The following FUT8 variants were observed in gnomAD, a reference collection of about 807,000 sequenced individuals.
FUT8 encodes the protein fucosyltransferase 8.
FUT8 carries 29 observed loss-of-function variants against 71.3 expected under a neutral mutation model. That is an observed-to-expected ratio of 0.41 (90% CI 0.30 to 0.55). The LOEUF is 0.55. Ranked by LOEUF, FUT8 falls within the 20% of genes least tolerant of loss-of-function variation. The pLI is 0.34. For synonymous variants in FUT8, 254 were observed against 239.3 expected (o/e 1.06, Z -0.57); for missense variants, 544 against 702.1 (o/e 0.77, Z 2.55).
intron 7 of FUT8, among the ~76,000 whole-genome samples, chr14:65,705,977 A>G (rs1894534005): frequency 6.6e-6 from 1 of 152,214 alleles, no homozygotes; most frequent in Non-Finnish European, 1.5e-5. Flanking sequence ...TCCTAGATCA[A>G]ACTATAGCTG....
chr14:65,447,054 A>C (rs1287286001), intron 1 of FUT8, among the ~76,000 whole-genome samples: 1 of 151,440 alleles, frequency 6.6e-6, no homozygotes, highest in African/African-American at 2.4e-5. Context: ...AATTTTCTCT[A>C]TGCTATCCTA....
chr14:65,654,404 C>T (rs12435809), intron 6 of FUT8, among the ~76,000 whole-genome samples: 3,550 of 152,230 alleles, frequency 0.023, 113 homozygotes, highest in East Asian at 0.094. Flanking sequence ...GCCTGACCAA[C>T]ATGGAGAAAC....
chr14:65,466,086 A>G (rs953817024), intron 2 of FUT8, among the ~76,000 whole-genome samples: 1 of 152,132 alleles, frequency 6.6e-6, no homozygotes, highest in African/African-American at 2.4e-5. Flanking sequence ...TGAAATTTTT[A>G]TAGCCATTCC....
At chr14:65,417,084 C>T (rs944179382) in intron 1 of FUT8, among the ~76,000 whole-genome samples, 4 of 151,854 alleles carry the variant, frequency 2.6e-5, no homozygotes, top group African/African-American at 7.3e-5. Flanking sequence ...CTGTACCCGG[C>T]TCCTTTATTT....
At position 65,670,056 on chromosome 14, in the gene FUT8, T is replaced by C. The variant is rs1892403008; in HGVS notation, c.835+576T>C. ...GCCTAATTTGTTTATGTGATTTTAATTGTATTCAGGAAACATTTAATGAAT... is the reference window on the plus strand; with the variant it reads ...GCCTAATTTGTTTATGTGATTTTAACTGTATTCAGGAAACATTTAATGAAT... On this transcript the variant is annotated intron_variant, in intron 7 of 10. Transcript: ENST00000673929. 2.0e-5 allele frequency among the ~76,000 whole-genome samples: 3 copies of C among 152,236 alleles called. No homozygotes were observed. The South Asian group carries it at 6.2e-4, about 32-fold the overall frequency.
chr14:65,425,468 G>GTTT (rs557101189), intron 1 of FUT8, among the ~76,000 whole-genome samples: 1 of 119,554 alleles, frequency 8.4e-6, no homozygotes, highest in East Asian at 2.5e-4. Flanking sequence ...ATGCCTGGCC[G>GTTT]TTTTTTTTTT....
chr14:65,652,357 G>T lies in FUT8; in HGVS notation c.598-16886G>T, dbSNP rs1566876460. On this transcript the variant is annotated intron_variant, in intron 6 of 10. Transcript: ENST00000673929. The surrounding 1 kb of genome is among the most constrained non-coding windows in gnomAD (Gnocchi z 4.0). ...TCAATATAAGAGGAAGTTGGCTGGT[G>T]GGAACGTCAGAGAAATGTTTTTCTT... is the stretch of plus-strand genomic sequence containing the variant. 6.6e-6 allele frequency among the ~76,000 whole-genome samples: 1 copy of T among 152,192 alleles called. No individual in the cohort carries two copies. Among genetic ancestry groups the T allele is most frequent in the African/African-American group, 2.4e-5 (1 of 41,438 alleles).
chr14:65,713,456 A>G (rs994839575), intron 7 of FUT8, among the ~76,000 whole-genome samples: 16 of 152,032 alleles, frequency 1.1e-4, no homozygotes, highest in Non-Finnish European at 1.8e-4. Context: ...CTCAATTTTT[A>G]GTTTTTTTGA....
chr14:65,580,069 T>TA (rs1194013954), intron 3 of FUT8, among the ~76,000 whole-genome samples: 20 of 65,908 alleles, frequency 3.0e-4, no homozygotes, highest in East Asian at 1.8e-3. Context: ...AGTGCTATAT[T>TA]TTATATATAT....
intron 2 of FUT8, among the ~76,000 whole-genome samples, chr14:65,533,777 TTTA>T (rs951951471): frequency 6.6e-6 from 1 of 152,098 alleles, no homozygotes; most frequent in African/African-American, 2.4e-5. Flanking sequence ...ATAAATGGCT[TTTA>T]TTATTTTGAT....
At chr14:65,501,302 A>G (rs887037779) in intron 2 of FUT8, among the ~76,000 whole-genome samples, 5 of 152,194 alleles carry the variant, frequency 3.3e-5, no homozygotes, top group Non-Finnish European at 5.9e-5. Context: ...GAAAAAGCAA[A>G]CAGGGAACAC....
chr14:65,616,960 T>C, intron 5 of FUT8: 1 of 1,077,856 alleles, frequency 9.3e-7, no homozygotes, highest in Non-Finnish European at 1.3e-6. Flanking sequence ...ATGAAGTTTA[T>C]CTTCCACAGA....
At chr14:65,398,414 A>G in the FUT8 span, among the ~76,000 whole-genome samples, 1 of 152,106 alleles carries the variant, frequency 6.6e-6, no homozygotes, top group African/African-American at 2.4e-5. Context: ...GAAGACCAAG[A>G]CACTGCCAAC....
intron 7 of FUT8, among the ~76,000 whole-genome samples, chr14:65,721,098 G>GT (rs1278524462): frequency 6.6e-6 from 1 of 151,974 alleles, no homozygotes; most frequent in Non-Finnish European, 1.5e-5. Flanking sequence ...GTTAAAATCA[G>GT]GTACTGTGAT....
chr14:65,562,426 A>G (rs1466887636), intron 3 of FUT8, among the ~76,000 whole-genome samples: 6 of 152,114 alleles, frequency 3.9e-5, no homozygotes, highest in East Asian at 1.9e-4. Context: ...TATCATTGCT[A>G]TTTCTAGTCT....
the FUT8 span, among the ~76,000 whole-genome samples, chr14:65,362,691 G>A: frequency 8.5e-5 from 13 of 152,244 alleles, no homozygotes; most frequent in South Asian, 6.2e-4. Flanking sequence ...AGCCGGGCGT[G>A]GTGGCTCACA....
chr14:65,709,552 G>T (rs1351656648), intron 7 of FUT8, among the ~76,000 whole-genome samples: 5 of 152,116 alleles, frequency 3.3e-5, no homozygotes, highest in Non-Finnish European at 1.5e-5. Context: ...GTAGGGTAGG[G>T]GTGAGAGTGA....
chr14:65,412,531 G>A (rs769294077), upstream of FUT8: 1 of 358,318 alleles, frequency 2.8e-6, no homozygotes, highest in Non-Finnish European at 5.5e-6. Flanking sequence ...CGCAGCCGCT[G>A]CCCTGCTGGA....
intron 2 of FUT8, among the ~76,000 whole-genome samples, chr14:65,546,480 A>G (rs1326071044): frequency 6.6e-6 from 1 of 151,650 alleles, no homozygotes; most frequent in Non-Finnish European, 1.5e-5. Flanking sequence ...ATTTAACCAT[A>G]TTGTGTATAC....
Sources: gnomAD v4.1 joint callset for allele counts (sites outside exome capture counted in the v4.1 genomes callset) on GRCh38, gnomAD v4.1.1 for gene constraint, Gnocchi (gnomAD v3.1) non-coding constraint, MANE v1.5 for transcripts, NCBI Gene and HGNC (gene_info 2026-07-23, HGNC 2026-07-21) for gene names.